The following DNMT1 variants were observed in gnomAD, a reference collection of about 807,000 sequenced individuals.
DNMT1 encodes the protein DNA methyltransferase 1, also known as DNA (cytosine-5)-methyltransferase 1.
In DNMT1, 24 loss-of-function variants were observed where a neutral mutation model predicts 205.3. That is an observed-to-expected ratio of 0.12 (90% CI 0.08 to 0.16). The LOEUF is 0.16. Among genes scored for constraint, DNMT1 ranks in the 10% least tolerant of loss-of-function variants. The probability of loss-of-function intolerance (pLI) is 1.00; values close to 1 mark genes in which losing one functional copy is unlikely to be tolerated. For missense variants in DNMT1, 1,293 were observed against 2,177.7 expected, an observed-to-expected ratio of 0.59 and a Z score of 8.09; for synonymous variants, 817 against 839.8, an observed-to-expected ratio of 0.97 and a Z score of 0.47.
At chr19:10,142,378 G>A (rs899343665) in intron 29 of DNMT1, among the ~76,000 whole-genome samples, 158 bp from the exon 30 acceptor site, 2 of 151,550 alleles carry the variant, frequency 1.3e-5, no homozygotes, top group Non-Finnish European at 2.9e-5. Context: ...GGGAACTGCA[G>A]GGTAAAGATA....
intron 29 of DNMT1, chr19:10,142,925 A>T (rs2089631138): frequency 6.5e-6 from 1 of 154,292 alleles, no homozygotes; most frequent in Non-Finnish European, 1.4e-5. Context: ...TACCACTCAC[A>T]GCCCTTGTTT....
chr19:10,135,631 C>G, intron 39 of DNMT1, 105 bp downstream of exon 39: 1 of 1,235,154 alleles, frequency 8.1e-7, no homozygotes, highest in Non-Finnish European at 1.1e-6. Flanking sequence ...ACCCGGCAGC[C>G]AGCAGGCGTC....
Position 10,141,043 on chromosome 19 carries a change from T to C in DNMT1, c.3394+62A>G, listed in dbSNP as rs1427713680. The C allele has an allele frequency of 1.3e-5, 21 of 1,612,988 alleles. No individual in the cohort carries two copies. In the East Asian group the frequency reaches 4.2e-4, roughly 33 times the overall value. ...CCAGAGGTGGTTTTACACTGAGGGATTCACAGGCAGCCTCCAAGTTACAGA... is the reference window on the plus strand; with the variant it reads ...CCAGAGGTGGTTTTACACTGAGGGACTCACAGGCAGCCTCCAAGTTACAGA... On this transcript the variant is annotated intron_variant, in intron 31 of 40. Coordinates refer to ENST00000359526, the MANE Select transcript of DNMT1 (RefSeq NM_001130823.3).
chr19:10,173,991 A>T, intron 7 of DNMT1, 86 bp from the exon 8 acceptor site: 1 of 1,310,324 alleles, frequency 7.6e-7, no homozygotes, highest in Non-Finnish European at 1.1e-6. Context: ...TGAAATATTA[A>T]CACATTTGAC....
chr19:10,155,690 C>T (rs2038443540), intron 19 of DNMT1, among the ~76,000 whole-genome samples, 163 bp downstream of exon 19: 1 of 152,088 alleles, frequency 6.6e-6, no homozygotes, highest in South Asian at 2.1e-4. Context: ...CCAGTCATAA[C>T]TAACACAAGA....
chr19:10,159,650 G>A lies in DNMT1; in HGVS notation c.1280+8C>T. 6.2e-7 allele frequency: 1 copy of A among 1,613,840 alleles called. No individual in the cohort carries two copies. Among genetic ancestry groups the A allele is most frequent in the South Asian group, 1.1e-5 (1 of 91,074 alleles). ...ACGAAGCAAACATGCACACGAAAGT[G>A]CACTTACCTGAAGCAGGTCAGTTTG... is the stretch of plus-strand genomic sequence containing the variant. On this transcript the variant is annotated splice_region_variant and intron_variant, in intron 17 of 40. Transcript: ENST00000359526. This position sits in a 1 kb window ranked among gnomAD's most constrained non-coding sequence, Gnocchi z 5.0.
At chr19:10,186,006 G>A (rs981645768) in intron 1 of DNMT1, among the ~76,000 whole-genome samples, 1 of 152,098 alleles carries the variant, frequency 6.6e-6, no homozygotes, top group Non-Finnish European at 1.5e-5. Context: ...AGGCACACAC[G>A]CTGTGGTAAT....
chr19:10,143,468 T>C (rs1340117051), intron 29 of DNMT1, among the ~76,000 whole-genome samples: 1 of 151,438 alleles, frequency 6.6e-6, no homozygotes, highest in Non-Finnish European at 1.5e-5. Context: ...CAAGTGATCT[T>C]CCTGCCTCAG....
chr19:10,158,992 G>A (rs1192855494), intron 17 of DNMT1, among the ~76,000 whole-genome samples: 3 of 152,058 alleles, frequency 2.0e-5, no homozygotes, highest in South Asian at 4.1e-4. Flanking sequence ...AAAATCTGTC[G>A]TGGCTGTCAC....
chr19:10,143,944 C>T lies in DNMT1; in HGVS notation c.2938G>A (p.Val980Met), dbSNP rs757550838. ...TGCTCTGGGTACAGGTCCTCATCCACGGGCTCCTTCCGTGGGCGTTTCACG... is the reference window on the plus strand; with the variant it reads ...TGCTCTGGGTACAGGTCCTCATCCATGGGCTCCTTCCGTGGGCGTTTCACG... ...SPVKRPRKEP[V>M]DEDLYPEHYR... The change falls in exon 29 of 41, where the codon GTG (valine) becomes ATG (methionine). Residue 980 changes from valine (V) to methionine (M), a missense_variant. Transcript: ENST00000359526. The T allele has an allele frequency of 4.3e-6, 7 of 1,614,088 alleles. No individual in the cohort carries two copies. In the South Asian group the frequency reaches 6.6e-5, roughly 15 times the overall value.
At position 10,137,849 on chromosome 19, in the gene DNMT1, T is replaced by G. The variant is rs1568220623; in HGVS notation, c.4276A>C (p.Arg1426=). The change falls in exon 36 of 41, where the codon AGG becomes CGG. Residue 1426 remains arginine (R), a synonymous_variant. Coordinates refer to ENST00000359526, the MANE Select transcript of DNMT1 (RefSeq NM_001130823.3). The surrounding 1 kb of genome is among the most constrained non-coding windows in gnomAD (Gnocchi z 6.4). The stretch of plus-strand genomic sequence containing the variant: ...GCCATTACCTTACAGATGTGGTCCC[T>G]GAGGATGGGCTGGTACTGTGCGCCC... ...LRGAQYQPIL[R]DHICKDMSAL... 1.2e-6 allele frequency: 2 copies of G among 1,613,342 alleles called. No homozygotes were observed. Among genetic ancestry groups the G allele is most frequent in the Non-Finnish European group, 1.7e-6 (2 of 1,179,884 alleles).
chr19:10,194,249 G>A (rs2039358486), intron 1 of DNMT1, among the ~76,000 whole-genome samples: 1 of 152,224 alleles, frequency 6.6e-6, no homozygotes. Flanking sequence ...GTACCCCACG[G>A]AAGGCTGGGC....
intron 10 of DNMT1, 42 bp from the exon 11 acceptor site, chr19:10,166,727 G>A (rs533748877): frequency 1.9e-6 from 3 of 1,611,274 alleles, no homozygotes; most frequent in Non-Finnish European, 2.5e-6. Context: ...GTCAGCTCGG[G>A]GGGGGCCCTG....
intron 26 of DNMT1, 104 bp from the exon 27 acceptor site, chr19:10,149,121 C>T (rs1377837667): frequency 1.1e-5 from 16 of 1,481,492 alleles, no homozygotes; most frequent in East Asian, 2.4e-5. Context: ...GTCAGGAGTT[C>T]GAGACCAGCC....
Position 10,155,837 on chromosome 19 carries a change from T to A in DNMT1, c.1492+16A>T. ...CTTTCAGACCCCGGCCAGCCTATGA[T>A]GGGCCACACACTTACAGGTGCTGAA... is the stretch of plus-strand genomic sequence containing the variant. On this transcript the variant is annotated intron_variant, in intron 19 of 40. Transcript: ENST00000359526. 6.2e-7 allele frequency: 1 copy of A among 1,611,378 alleles called. No individual in the cohort carries two copies.
rs2039373697 is a variant in DNMT1, at chr19:10,194,804, C to G, written c.80+16G>C. Reference sequence around the variant, plus strand: ...GCCTGTCCCCCTGAGTCCGTGTTCCCCCCCATGGTACCTACCGCCTGCGGA... The same window carrying G: ...GCCTGTCCCCCTGAGTCCGTGTTCCGCCCCATGGTACCTACCGCCTGCGGA... On this transcript the variant is annotated intron_variant, in intron 1 of 40. Transcript: ENST00000359526. The G allele has an allele frequency of 1.2e-6, 2 of 1,611,196 alleles. No individual in the cohort carries two copies. The highest frequency in any genetic ancestry group is 1.7e-6 in the Non-Finnish European group (2 of 1,178,964).
At chr19:10,185,017 C>T (rs527830715) in intron 1 of DNMT1, among the ~76,000 whole-genome samples, 6 of 152,330 alleles carry the variant, frequency 3.9e-5, no homozygotes, top group East Asian at 1.9e-4. Context: ...CCACCAGCGC[C>T]GCTCACATAT....
chr19:10,186,118 G>A (rs1455570384), intron 1 of DNMT1, among the ~76,000 whole-genome samples: 1 of 152,166 alleles, frequency 6.6e-6, no homozygotes, highest in Admixed American at 6.6e-5. Flanking sequence ...AGGTTGCCTG[G>A]GGTGTGAAGG....
chr19:10,184,157 A>T (rs957577645), intron 1 of DNMT1, among the ~76,000 whole-genome samples: 1 of 152,226 alleles, frequency 6.6e-6, no homozygotes, highest in Admixed American at 6.5e-5. Context: ...ACAACAGCCC[A>T]TAACAAGGTG....
Sources: allele counts gnomAD v4.1 joint callset (sites outside exome capture counted in the v4.1 genomes callset), GRCh38; gene constraint gnomAD v4.1.1; non-coding constraint Gnocchi (gnomAD v3.1); transcripts MANE v1.5; gene names NCBI Gene and HGNC (gene_info 2026-07-23, HGNC 2026-07-21).